Variants in ECPAS observed in about 807,000 individuals in gnomAD.
The protein encoded by ECPAS is proteasome adapter and scaffold protein ECM29.
In ECPAS, 70 loss-of-function variants were observed where a neutral mutation model predicts 255.1. The ratio of observed to expected loss-of-function variants is 0.27; its 90% CI spans 0.23 to 0.33. The LOEUF (loss-of-function observed/expected upper bound fraction) is 0.33. Among genes scored for constraint, ECPAS ranks in the 10% least tolerant of loss-of-function variants. The pLI, the probability that ECPAS is intolerant of heterozygous loss-of-function variation, is 1.00. For missense variants in ECPAS, 1,817 were observed against 2,206.4 expected, an observed-to-expected ratio of 0.82 and a Z score of 3.54; for synonymous variants, 784 against 775.0, an observed-to-expected ratio of 1.01 and a Z score of -0.19.
At chr9:111,417,733 C>T (rs528470862) in intron 17 of ECPAS, 150 bp downstream of exon 17, 120 of 774,002 alleles carry the variant, frequency 1.6e-4, no homozygotes, top group East Asian at 7.4e-4. Context: ...GCAACAAGAG[C>T]GAAGCTCCAT....
chr9:111,477,476 A>G (rs1473536289), intron 1 of ECPAS, among the ~76,000 whole-genome samples: 1 of 152,110 alleles, frequency 6.6e-6, no homozygotes, highest in East Asian at 1.9e-4. Flanking sequence ...CCCGATTGCC[A>G]CATTTTATAC....
At chr9:111,483,458 G>T in intron 1 of ECPAS, 1 of 964,328 alleles carries the variant, frequency 1.0e-6, no homozygotes, top group Non-Finnish European at 1.2e-6. Context: ...GGCACCGCGC[G>T]GCGCCCGTTC....
chr9:111,429,967 A>G (rs1328712451), intron 9 of ECPAS, among the ~76,000 whole-genome samples: 6 of 152,238 alleles, frequency 3.9e-5, no homozygotes, highest in Non-Finnish European at 8.8e-5. Context: ...TCTTACTTTG[A>G]GGCTTTAGAA....
chr9:111,407,432 A>C (rs527857394), intron 24 of ECPAS, among the ~76,000 whole-genome samples: 19 of 142,850 alleles, frequency 1.3e-4, no homozygotes, highest in Non-Finnish European at 2.2e-4. Flanking sequence ...AAAAAAAAAA[A>C]AAAAAACCTA....
At chr9:111,375,688 C>A (rs1358285262) in intron 37 of ECPAS, among the ~76,000 whole-genome samples, 3 of 152,108 alleles carry the variant, frequency 2.0e-5, no homozygotes, top group Non-Finnish European at 4.4e-5. Context: ...ATGGTATTCA[C>A]TAACTATTCC....
Position 111,389,540 on chromosome 9 carries a change from G to A in ECPAS, c.3447+16C>T. 1 of 1,608,346 alleles carries A rather than the reference G, an allele frequency of 6.2e-7. No individual in the cohort carries two copies. The highest frequency in any genetic ancestry group is 8.5e-7 in the Non-Finnish European group (1 of 1,176,632). The stretch of plus-strand genomic sequence containing the variant: ...TCTACAGTGTTTTCCTAACACAGGG[G>A]TTCACAGACACTTACCATGGATTTG... On this transcript the variant is annotated intron_variant, in intron 31 of 49. Transcript: ENST00000684092.
intron 21 of ECPAS, 26 bp downstream of exon 21, chr9:111,411,988 A>T (rs933407322): frequency 6.7e-7 from 1 of 1,501,736 alleles, no homozygotes; most frequent in South Asian, 1.3e-5. Flanking sequence ...TCTCCCACAA[A>T]AAAGAATGAA....
chr9:111,476,087 G>C (rs1262477011), intron 1 of ECPAS, among the ~76,000 whole-genome samples: 2 of 152,204 alleles, frequency 1.3e-5, no homozygotes, highest in Non-Finnish European at 2.9e-5. Flanking sequence ...GCCAACTTTT[G>C]CAACTGAAGT....
chr9:111,391,021 C>A (rs183238682), intron 29 of ECPAS, among the ~76,000 whole-genome samples: 2 of 152,296 alleles, frequency 1.3e-5, no homozygotes, highest in African/African-American at 4.8e-5. Context: ...CAGCAGCCCA[C>A]CACCAATGGC....
chr9:111,373,474 C>G, intron 39 of ECPAS, 68 bp from the exon 40 acceptor site: 3 of 1,249,322 alleles, frequency 2.4e-6, no homozygotes, highest in East Asian at 2.3e-5. Context: ...TTCCCAGAAC[C>G]CAAACAAACC....
chr9:111,442,509 T>C, intron 4 of ECPAS, 85 bp from the exon 5 acceptor site: 1 of 865,450 alleles, frequency 1.2e-6, no homozygotes, highest in Non-Finnish European at 1.8e-6. Context: ...ACTTAGAGAG[T>C]TATGGTTACA....
At chr9:111,399,208 C>G (rs1298079163) in intron 24 of ECPAS, among the ~76,000 whole-genome samples, 1 of 151,976 alleles carries the variant, frequency 6.6e-6, no homozygotes, top group African/African-American at 2.4e-5. Context: ...AAAAAAAAAG[C>G]CCAACAGAAT....
intron 38 of ECPAS, 38 bp from the exon 39 acceptor site, chr9:111,374,076 T>A: frequency 6.7e-7 from 1 of 1,499,918 alleles, no homozygotes; most frequent in Non-Finnish European, 9.3e-7. Flanking sequence ...AATCTGATGG[T>A]CACAATGTTC....
intron 4 of ECPAS, among the ~76,000 whole-genome samples, chr9:111,443,001 C>T (rs2098247964): frequency 6.6e-6 from 1 of 152,166 alleles, no homozygotes; most frequent in East Asian, 1.9e-4. Context: ...AAATCTGAAA[C>T]TTTATGAGTG....
chr9:111,457,697 G>A (rs1462640100), intron 2 of ECPAS, among the ~76,000 whole-genome samples: 2 of 152,176 alleles, frequency 1.3e-5, no homozygotes, highest in African/African-American at 4.8e-5. Context: ...AAGAAGAGAA[G>A]AAAATTGACT....
chr9:111,403,022 G>A (rs1411971273), intron 24 of ECPAS, among the ~76,000 whole-genome samples: 1 of 152,026 alleles, frequency 6.6e-6, no homozygotes. Flanking sequence ...ATGGCTCAAT[G>A]AATAAGAAAA....
chr9:111,366,344 G>T lies in ECPAS; in HGVS notation c.5220-17C>A. On this transcript the variant is annotated splice_polypyrimidine_tract_variant and intron_variant, in intron 47 of 49. Coordinates refer to ENST00000684092, the MANE Select transcript of ECPAS (RefSeq NM_001364929.1). ...AGCATTAACCTATACAAATCAGAAA[G>T]CAAGGTACAAATGCCAATTATTAAG... 6.5e-7 allele frequency: 1 copy of T among 1,544,948 alleles called. No homozygotes were observed. Among genetic ancestry groups the T allele is most frequent in the Non-Finnish European group, 8.8e-7 (1 of 1,137,562 alleles).
intron 2 of ECPAS, among the ~76,000 whole-genome samples, chr9:111,462,724 A>G (rs895980437): frequency 6.6e-6 from 1 of 150,622 alleles, no homozygotes; most frequent in African/African-American, 2.5e-5. Flanking sequence ...ATGGAGAAGC[A>G]CAACATTCAT....
chr9:111,484,357 C>T lies in ECPAS; in HGVS notation c.-324G>A, dbSNP rs1244092883. 1.9e-6 allele frequency: 3 copies of T among 1,610,740 alleles called. No individual in the cohort carries two copies. The highest frequency in any genetic ancestry group is 1.7e-5 in the Admixed American group (1 of 59,768). On this transcript the variant is annotated 5_prime_UTR_variant, in exon 1 of 50. Coordinates refer to ENST00000684092, the MANE Select transcript of ECPAS (RefSeq NM_001364929.1). Reference sequence around the variant, plus strand: ...GCTGGGCCCGACCTGGGGAAACACGCCTGTCCAAAGGAAGAGACGTGGACT... The same window carrying T: ...GCTGGGCCCGACCTGGGGAAACACGTCTGTCCAAAGGAAGAGACGTGGACT...
Sources: allele counts gnomAD v4.1 joint callset (sites outside exome capture counted in the v4.1 genomes callset), GRCh38; gene constraint gnomAD v4.1.1; transcripts MANE v1.5; gene names NCBI Gene and HGNC (gene_info 2026-07-23, HGNC 2026-07-21).